The following SMYD3 variants were observed in gnomAD, a reference collection of about 807,000 sequenced individuals.
The protein encoded by SMYD3 is SET and MYND domain containing 3, also known as histone-lysine N-methyltransferase SMYD3.
SMYD3 carries 36 observed loss-of-function variants against 57.7 expected under a neutral mutation model. The observed-to-expected ratio is 0.62, with a 90% CI of 0.48 to 0.82. The LOEUF (loss-of-function observed/expected upper bound fraction) is 0.82. SMYD3 is among the 40% of genes least tolerant of loss of function. SMYD3 has a pLI of 0.00. For missense variants in SMYD3, 515 were observed against 538.8 expected (o/e 0.96, Z 0.44); for synonymous variants, 211 against 195.0 (o/e 1.08, Z -0.68).
intron 9 of SMYD3, among the ~76,000 whole-genome samples, chr1:245,861,104 T>C (rs1041441020): frequency 6.6e-6 from 1 of 152,246 alleles, no homozygotes; most frequent in Admixed American, 6.5e-5. Context: ...GGCAACTGTC[T>C]CTTGCCAAAC....
chr1:246,141,655 G>A (rs1177375924), intron 5 of SMYD3, among the ~76,000 whole-genome samples: 2 of 152,092 alleles, frequency 1.3e-5, no homozygotes, highest in South Asian at 2.1e-4. Flanking sequence ...AAATTCTGCA[G>A]TAAATGACTA....
At chr1:246,485,139 CAT>C (rs1472357612) in intron 1 of SMYD3, among the ~76,000 whole-genome samples, 2 of 151,628 alleles carry the variant, frequency 1.3e-5, no homozygotes, top group African/African-American at 4.8e-5. Context: ...CCTGAAAACA[CAT>C]GACTTCAACC....
chr1:246,360,842 A>T (rs2065975949), intron 1 of SMYD3, among the ~76,000 whole-genome samples: 1 of 152,220 alleles, frequency 6.6e-6, no homozygotes, highest in Non-Finnish European at 1.5e-5. Flanking sequence ...AAACCATAAA[A>T]ATTCTAGAAG....
At chr1:246,228,574 C>T (rs1327846680) in intron 5 of SMYD3, among the ~76,000 whole-genome samples, 1 of 152,142 alleles carries the variant, frequency 6.6e-6, no homozygotes, top group South Asian at 2.1e-4. Context: ...ATAGGTCAAG[C>T]TGACAGCAGC....
intron 8 of SMYD3, among the ~76,000 whole-genome samples, chr1:245,895,184 TCAAACAGA>T (rs1388243628): frequency 6.6e-6 from 1 of 152,158 alleles, no homozygotes; most frequent in Non-Finnish European, 1.5e-5. Flanking sequence ...AAACATGAAC[TCAAACAGA>T]CAGTCATTCA....
At chr1:245,977,500 G>A (rs1391073344) in intron 5 of SMYD3, among the ~76,000 whole-genome samples, 1 of 152,172 alleles carries the variant, frequency 6.6e-6, no homozygotes, top group Non-Finnish European at 1.5e-5. Context: ...GCAACATGGT[G>A]AAACCTCGTC....
intron 5 of SMYD3, among the ~76,000 whole-genome samples, chr1:246,106,989 T>C (rs2061135308): frequency 1.3e-5 from 2 of 152,146 alleles, no homozygotes; most frequent in Non-Finnish European, 2.9e-5. Context: ...GAGTTGGGCA[T>C]ATAATAGGCT....
chr1:246,288,770 T>C (rs979218362), intron 5 of SMYD3, among the ~76,000 whole-genome samples: 1 of 152,162 alleles, frequency 6.6e-6, no homozygotes, highest in Non-Finnish European at 1.5e-5. Context: ...CTTACTTAAC[T>C]GCTTCCCCAG....
intron 5 of SMYD3, among the ~76,000 whole-genome samples, chr1:246,091,763 A>C (rs1402425000): frequency 1.3e-5 from 2 of 152,250 alleles, no homozygotes; most frequent in Non-Finnish European, 2.9e-5. Context: ...GACAGGTATG[A>C]GTGATTAGCA....
intron 8 of SMYD3, among the ~76,000 whole-genome samples, chr1:245,872,910 T>C (rs2052288565): frequency 6.6e-6 from 1 of 152,188 alleles, no homozygotes; most frequent in Admixed American, 6.5e-5. Flanking sequence ...ACCAAAGGCC[T>C]TTTCCGGCTA....
chr1:245,809,002 G>A (rs549980419), intron 10 of SMYD3, among the ~76,000 whole-genome samples: 211 of 152,180 alleles, frequency 1.4e-3, no homozygotes, highest in Non-Finnish European at 2.7e-3. Context: ...ACCTCCGCCC[G>A]CCTCGGCCTC....
chr1:246,320,515 T>A (rs2065228611), intron 5 of SMYD3, among the ~76,000 whole-genome samples: 1 of 152,196 alleles, frequency 6.6e-6, no homozygotes, highest in African/African-American at 2.4e-5. Context: ...ACACTAACAA[T>A]GGCATATGTT....
intron 10 of SMYD3, among the ~76,000 whole-genome samples, chr1:245,839,326 C>T (rs1167444618): frequency 6.6e-6 from 1 of 152,116 alleles, no homozygotes; most frequent in African/African-American, 2.4e-5. Flanking sequence ...CCTGCCACAG[C>T]GCCCAGCTAA....
rs111627016 is a variant in SMYD3 at position 246,167,700 on chromosome 1, A to G, written c.531+159501T>C. 1.6e-3 allele frequency among the ~76,000 whole-genome samples: 247 copies of G among 152,002 alleles called. 1 individual carries two copies. The highest frequency in any genetic ancestry group is 5.5e-3 in the African/African-American group (229 of 41,504). On this transcript the variant is annotated intron_variant, in intron 5 of 11. Transcript: ENST00000490107. ...TAATTTTTGTATTTTTAGGAGAGAC[A>G]GGGTTTCTCCACGTTGGCCAGGCTG... is the stretch of plus-strand genomic sequence containing the variant.
At chr1:246,014,022 C>T (rs1246526409) in intron 5 of SMYD3, among the ~76,000 whole-genome samples, 1 of 152,198 alleles carries the variant, frequency 6.6e-6, no homozygotes, top group Non-Finnish European at 1.5e-5. Context: ...AGCAATTTTG[C>T]ATTAAAAGCA....
intron 1 of SMYD3, 56 bp downstream of exon 1, chr1:246,506,987 ACGCCCCCCCCT>A: frequency 1.6e-6 from 1 of 634,738 alleles, no homozygotes; most frequent in Non-Finnish European, 2.2e-6. Flanking sequence ...CGGCCGCCCG[ACGCCCCCCCCT>A]CCCCAGCACC....
chr1:246,167,078 T>C (rs1180788741), intron 5 of SMYD3, among the ~76,000 whole-genome samples: 1 of 152,226 alleles, frequency 6.6e-6, no homozygotes, highest in Non-Finnish European at 1.5e-5. Flanking sequence ...AAGCATAATG[T>C]ATTCCGGGTT....
intron 5 of SMYD3, among the ~76,000 whole-genome samples, chr1:246,125,749 G>A (rs765751587): frequency 2.6e-5 from 4 of 152,068 alleles, no homozygotes; most frequent in Admixed American, 6.6e-5. Context: ...GATCAGAAGT[G>A]GTGAGAGGGA....
At chr1:246,328,852 C>T (rs2065405784) in intron 4 of SMYD3, among the ~76,000 whole-genome samples, 2 of 151,950 alleles carry the variant, frequency 1.3e-5, no homozygotes, top group Admixed American at 6.6e-5. Flanking sequence ...CCCCCCACCC[C>T]ACAACAGTCC....
Sources: allele counts gnomAD v4.1 joint callset (sites outside exome capture counted in the v4.1 genomes callset), GRCh38; gene constraint gnomAD v4.1.1; transcripts MANE v1.5; gene names NCBI Gene and HGNC (gene_info 2026-07-23, HGNC 2026-07-21).